Variants in SYNRG observed in about 807,000 individuals in gnomAD.
SYNRG encodes the protein AP1 gamma subunit binding protein 1.
SYNRG carries 37 observed loss-of-function variants against 130.9 expected under a neutral mutation model. The observed-to-expected ratio is 0.28, with a 90% CI of 0.22 to 0.37. The LOEUF (loss-of-function observed/expected upper bound fraction) is 0.37. Among genes scored for constraint, SYNRG ranks in the 10% least tolerant of loss-of-function variants. SYNRG has a pLI of 1.00. For synonymous variants in SYNRG, 539 were observed against 568.1 expected (o/e 0.95, Z 0.73); for missense variants, 1,338 against 1,588.9 (o/e 0.84, Z 2.68).
chr17:37,605,450 G>A (rs150176230), intron 1 of SYNRG, among the ~76,000 whole-genome samples: 180 of 152,264 alleles, frequency 1.2e-3, no homozygotes, highest in Middle Eastern at 0.01. Context: ...AAATGAGGAC[G>A]TAGAATCAAG....
At chr17:37,541,068 A>G (rs1568320194) in intron 15 of SYNRG, 1 of 985,664 alleles carries the variant, frequency 1.0e-6, no homozygotes, top group African/African-American at 1.7e-5. Context: ...TTCGTTTTCA[A>G]CATGACTCTT....
rs1445859140 is a variant in SYNRG at position 37,515,326 on chromosome 17, T to A, written c.*3614A>T. The A allele has an allele frequency of 6.6e-6, 1 of 152,208 alleles. No individual in the cohort carries two copies. Among genetic ancestry groups the A allele is most frequent in the Non-Finnish European group, 1.5e-5 (1 of 68,044 alleles). The allele number at this position is 152,208 out of a possible 1,614,324, so 9.4% of individuals were successfully genotyped here. A position where few individuals can be genotyped will look rare whatever the true frequency, so the allele number is the denominator to read the frequency against. Reference sequence around the variant, plus strand: ...ATAAAAAACATAGTCGACACACATCTTGCCCTGCATTCTGACATTTGCTGG... The same window carrying A: ...ATAAAAAACATAGTCGACACACATCATGCCCTGCATTCTGACATTTGCTGG... On this transcript the variant is annotated 3_prime_UTR_variant, in exon 22 of 22. Transcript: ENST00000612223.
intron 6 of SYNRG, chr17:37,579,177 G>T (rs1465397731): frequency 8.2e-7 from 1 of 1,215,922 alleles, no homozygotes; most frequent in Non-Finnish European, 1.1e-6. Flanking sequence ...GAGAAGTAAG[G>T]AATTTGCCCA....
intron 15 of SYNRG, chr17:37,541,223 C>T: frequency 1.0e-6 from 1 of 985,458 alleles, no homozygotes; most frequent in Non-Finnish European, 1.2e-6. Context: ...AGTTCCTTCA[C>T]AGTCTCTCAA....
intron 19 of SYNRG, among the ~76,000 whole-genome samples, chr17:37,525,224 A>T (rs2055685470): frequency 6.6e-6 from 1 of 152,210 alleles, no homozygotes; most frequent in Admixed American, 6.5e-5. Flanking sequence ...CCTTAAATTG[A>T]TCATCTCCTT....
intron 19 of SYNRG, among the ~76,000 whole-genome samples, chr17:37,523,981 A>G (rs572663191): frequency 3.3e-5 from 5 of 152,340 alleles, no homozygotes; most frequent in African/African-American, 1.2e-4. Context: ...AGGGTCGCCA[A>G]TCTGGACTCA....
At chr17:37,535,235 T>C (rs930618580) in intron 19 of SYNRG, among the ~76,000 whole-genome samples, 1 of 152,104 alleles carries the variant, frequency 6.6e-6, no homozygotes, top group Admixed American at 6.5e-5. Context: ...AAATTGTCAT[T>C]TGGAACACTG....
intron 10 of SYNRG, among the ~76,000 whole-genome samples, chr17:37,570,145 T>C (rs1289223954): frequency 2.4e-5 from 1 of 42,262 alleles, no homozygotes; most frequent in East Asian, 1.8e-3. Context: ...TGCTGAGGCT[T>C]TTTTTTTTTT....
intron 3 of SYNRG, 72 bp from the exon 4 acceptor site, chr17:37,586,621 C>T (rs1388793448): frequency 6.5e-7 from 1 of 1,545,348 alleles, no homozygotes; most frequent in African/African-American, 1.4e-5. Context: ...AATGTGACTT[C>T]CATAAATTCT....
At position 37,572,002 on chromosome 17, in the gene SYNRG, A is replaced by C; in HGVS notation, c.902-15T>G. On this transcript the variant is annotated splice_polypyrimidine_tract_variant and intron_variant, in intron 8 of 21. Coordinates refer to ENST00000612223, the MANE Select transcript of SYNRG (RefSeq NM_007247.6). The stretch of plus-strand genomic sequence containing the variant: ...CTTATAGGCATCTATTAAAGGAAAG[A>C]CCAGATTACAAATGGAAACACATTC... 6.3e-7 allele frequency: 1 copy of C among 1,595,246 alleles called. No individual in the cohort carries two copies. Among genetic ancestry groups the C allele is most frequent in the Non-Finnish European group, 8.6e-7 (1 of 1,169,350 alleles).
At chr17:37,542,642 G>T in intron 14 of SYNRG, 77 bp from the exon 15 acceptor site, 1 of 1,069,480 alleles carries the variant, frequency 9.4e-7, no homozygotes, top group Non-Finnish European at 1.3e-6. Flanking sequence ...GAAGCAAAAT[G>T]CCTAGCATAT....
chr17:37,607,350 T>C (rs543385765), intron 1 of SYNRG, among the ~76,000 whole-genome samples: 1 of 152,312 alleles, frequency 6.6e-6, no homozygotes, highest in East Asian at 1.9e-4. Flanking sequence ...TCCAAAAACA[T>C]TTTTTAAGTA....
chr17:37,558,250 G>A (rs912922969), intron 13 of SYNRG, among the ~76,000 whole-genome samples: 1 of 152,158 alleles, frequency 6.6e-6, no homozygotes, highest in African/African-American at 2.4e-5. Flanking sequence ...CTTTAAAGAT[G>A]ATTAAGCAAT....
chr17:37,520,656 G>C lies in SYNRG; in HGVS notation c.3667-8C>G. The C allele has an allele frequency of 4.3e-6, 7 of 1,612,152 alleles. No homozygotes were observed. In the South Asian group the frequency reaches 7.7e-5, roughly 18 times the overall value. Reference sequence around the variant, plus strand: ...CAGCGAGTTTTCATCTGGCTGTGAGGACGACAAGACAAATGGGTAAGAAGT... The same window carrying C: ...CAGCGAGTTTTCATCTGGCTGTGAGCACGACAAGACAAATGGGTAAGAAGT... On this transcript the variant is annotated splice_region_variant and splice_polypyrimidine_tract_variant and intron_variant, in intron 19 of 21. Coordinates refer to ENST00000612223, the MANE Select transcript of SYNRG (RefSeq NM_007247.6).
At position 37,609,380 on chromosome 17, in the gene SYNRG, TCGC is replaced by T. The variant is rs1043486678; in HGVS notation, c.-28_-26del. On this transcript the variant is annotated 5_prime_UTR_variant, in exon 1 of 22. Coordinates refer to ENST00000612223, the MANE Select transcript of SYNRG (RefSeq NM_007247.6). Reference sequence around the variant, plus strand: ...TCTTGCTCCCGACCTGCCGCTGCCTTCGCCGCCGCCACCTTATCAGCAGCTGTC... The same window carrying T: ...TCTTGCTCCCGACCTGCCGCTGCCTTCGCCGCCACCTTATCAGCAGCTGTC... 6.4e-6 allele frequency: 9 copies of T among 1,406,718 alleles called. No homozygotes were observed. Among genetic ancestry groups the T allele is most frequent in the African/African-American group, 3.0e-5 (2 of 66,472 alleles). The allele number at this position is 1,406,718 out of a possible 1,614,324, so 87.1% of individuals were successfully genotyped here. A position where few individuals can be genotyped will look rare whatever the true frequency, so the allele number is the denominator to read the frequency against.
At chr17:37,531,075 C>A (rs935602680) in intron 19 of SYNRG, among the ~76,000 whole-genome samples, 1 of 152,002 alleles carries the variant, frequency 6.6e-6, no homozygotes, top group African/African-American at 2.4e-5. Context: ...ATAGTGAGGC[C>A]CTATTCCTAC....
intron 19 of SYNRG, among the ~76,000 whole-genome samples, chr17:37,521,285 C>A (rs2055019404): frequency 1.3e-5 from 2 of 152,126 alleles, no homozygotes; most frequent in Non-Finnish European, 2.9e-5. Flanking sequence ...CCGCCTCAGC[C>A]TCCCAAAGTG....
intron 6 of SYNRG, among the ~76,000 whole-genome samples, chr17:37,579,770 T>C (rs569944619): frequency 7.2e-4 from 109 of 152,312 alleles, no homozygotes; most frequent in Non-Finnish European, 1.3e-3. Context: ...TGTGGCATGC[T>C]CATAGCTCAT....
chr17:37,545,294 G>A (rs1568336846), intron 14 of SYNRG, among the ~76,000 whole-genome samples: 2 of 152,034 alleles, frequency 1.3e-5, no homozygotes, highest in Non-Finnish European at 2.9e-5. Context: ...TACTCGGGAG[G>A]GTGAGGCAGG....
Sources: gnomAD v4.1 joint callset for allele counts (sites outside exome capture counted in the v4.1 genomes callset) on GRCh38, gnomAD v4.1.1 for gene constraint, MANE v1.5 for transcripts, NCBI Gene and HGNC (gene_info 2026-07-23, HGNC 2026-07-21) for gene names.